FGD4: variants seen among roughly 807,000 people sequenced by gnomAD.
FGD4 encodes FYVE, RhoGEF and PH domain-containing protein 4.
FGD4 carries 42 observed loss-of-function variants against 102.0 expected under a neutral mutation model. That is an observed-to-expected ratio of 0.41 (90% confidence interval 0.32 to 0.53). The LOEUF (loss-of-function observed/expected upper bound fraction) is 0.53, where lower values mean the gene tolerates loss of function less well. FGD4 is among the 20% of genes least tolerant of loss of function. The probability of loss-of-function intolerance (pLI) is 0.21; values close to 1 mark genes in which losing one functional copy is unlikely to be tolerated. For missense variants in FGD4, 902 were observed against 1,078.2 expected, an observed-to-expected ratio of 0.84 and a Z score of 2.29; for synonymous variants, 380 against 375.7, an observed-to-expected ratio of 1.01 and a Z score of -0.13.
At chr12:32,480,131 C>T (rs920806753) in intron 1 of FGD4, among the ~76,000 whole-genome samples, 4 of 150,768 alleles carry the variant, frequency 2.7e-5, no homozygotes, top group African/African-American at 2.4e-5. Context: ...TTATTTGCCC[C>T]AAATGGATAT....
intron 1 of FGD4, among the ~76,000 whole-genome samples, chr12:32,480,269 C>T (rs1217477360): frequency 6.6e-6 from 1 of 151,610 alleles, no homozygotes; most frequent in African/African-American, 2.4e-5. Flanking sequence ...TCACACCATT[C>T]TCCTGTCTCA....
intron 1 of FGD4, among the ~76,000 whole-genome samples, chr12:32,509,319 T>G (rs1243748199): frequency 1.3e-5 from 2 of 150,548 alleles, no homozygotes; most frequent in African/African-American, 4.9e-5. Context: ...ACTACCACAG[T>G]AGCAGCGAGG....
intron 1 of FGD4, among the ~76,000 whole-genome samples, chr12:32,465,540 C>T (rs1340038804): frequency 6.6e-6 from 1 of 152,036 alleles, no homozygotes; most frequent in East Asian, 1.9e-4. Flanking sequence ...TGGTGGCGCA[C>T]ACCTGTAGTC....
intron 1 of FGD4, among the ~76,000 whole-genome samples, chr12:32,526,501 C>T (rs1032580440): frequency 1.3e-5 from 2 of 152,256 alleles, no homozygotes; most frequent in South Asian, 4.1e-4. Context: ...TTGTATCTAG[C>T]TCAGGGATTG....
intron 1 of FGD4, among the ~76,000 whole-genome samples, chr12:32,481,830 AAAAAG>A (rs1943775319): frequency 6.6e-6 from 1 of 152,194 alleles, no homozygotes; most frequent in South Asian, 2.1e-4. Context: ...AAAAAAAAAA[AAAAAG>A]AACATCTAAG....
chr12:32,621,206 T>A (rs1949823627), intron 11 of FGD4, among the ~76,000 whole-genome samples: 1 of 151,928 alleles, frequency 6.6e-6, no homozygotes, highest in South Asian at 2.1e-4. Context: ...AAAACCCCCG[T>A]CTTTGCTAAA....
At chr12:32,411,045 C>T (rs937189532) in intron 1 of FGD4, among the ~76,000 whole-genome samples, 1 of 151,282 alleles carries the variant, frequency 6.6e-6, no homozygotes, top group African/African-American at 2.4e-5. Flanking sequence ...ATTCTCTTGC[C>T]TCAGCCTCCT....
intron 16 of FGD4, 84 bp from the exon 17 acceptor site, chr12:32,640,192 G>A: frequency 6.2e-7 from 1 of 1,603,962 alleles, no homozygotes; most frequent in Non-Finnish European, 8.5e-7. Flanking sequence ...GACAGTGGTA[G>A]GAAGAGAGGT....
intron 1 of FGD4, among the ~76,000 whole-genome samples, chr12:32,478,667 C>G (rs572449217): frequency 2.0e-4 from 31 of 152,192 alleles, no homozygotes; most frequent in Non-Finnish European, 3.2e-4. Context: ...GTTTTACTTT[C>G]CCACACCTGA....
chr12:32,549,296 C>G (rs1318589646), intron 1 of FGD4, among the ~76,000 whole-genome samples: 2 of 152,212 alleles, frequency 1.3e-5, no homozygotes, highest in African/African-American at 4.8e-5. Flanking sequence ...ACAGAACACA[C>G]TTGGGGAAAA....
At chr12:32,408,763 C>T (rs970056353) in intron 1 of FGD4, among the ~76,000 whole-genome samples, 1 of 152,212 alleles carries the variant, frequency 6.6e-6, no homozygotes, top group African/African-American at 2.4e-5. Flanking sequence ...AAATAGCATT[C>T]AGCACCTATT....
At chr12:32,405,478 C>T (rs1328100228) in intron 1 of FGD4, among the ~76,000 whole-genome samples, 1 of 151,566 alleles carries the variant, frequency 6.6e-6, no homozygotes, top group Non-Finnish European at 1.5e-5. Context: ...AGGCTGGTCT[C>T]GAACTCCCGA....
intron 1 of FGD4, among the ~76,000 whole-genome samples, chr12:32,473,393 G>A (rs1386913581): frequency 6.6e-6 from 1 of 151,746 alleles, no homozygotes; most frequent in Admixed American, 6.6e-5. Context: ...TGAGTCCAGC[G>A]AGCCCAGGAG....
intron 1 of FGD4, among the ~76,000 whole-genome samples, chr12:32,526,800 C>G (rs570609125): frequency 6.6e-6 from 1 of 152,136 alleles, no homozygotes; most frequent in Non-Finnish European, 1.5e-5. Context: ...CTGGGAGGAA[C>G]GAACAACTCC....
At position 32,645,339 on chromosome 12, in the gene FGD4, T is replaced by C. The variant is rs1951354296; in HGVS notation, c.*4806T>C. 6.6e-6 allele frequency: 1 copy of C among 152,076 alleles called. No individual in the cohort carries two copies. The highest frequency in any genetic ancestry group is 2.4e-5 in the African/African-American group (1 of 41,424). 9.4% of individuals were successfully genotyped at this position (152,076 alleles called of 1,614,324 possible). The stretch of plus-strand genomic sequence containing the variant: ...TAGCATTTCATTTTGTGAGTGACAA[T>C]TGACATTTTAAAATAAGCATAGGCC... On this transcript the variant is annotated 3_prime_UTR_variant, in exon 17 of 17. Transcript: ENST00000534526.
At chr12:32,633,078 C>T (rs150201274) in intron 14 of FGD4, among the ~76,000 whole-genome samples, 2 of 151,998 alleles carry the variant, frequency 1.3e-5, no homozygotes, top group Admixed American at 6.6e-5. Flanking sequence ...GTAAAATCAG[C>T]GGGACTTTGT....
intron 1 of FGD4, among the ~76,000 whole-genome samples, chr12:32,457,393 G>A (rs552309147): frequency 2.9e-4 from 44 of 152,250 alleles, no homozygotes; most frequent in South Asian, 2.3e-3. Context: ...ATCTTAAGAC[G>A]AGGAACTGTA....
At chr12:32,624,105 G>A (rs1007788180) in intron 11 of FGD4, among the ~76,000 whole-genome samples, 1 of 152,080 alleles carries the variant, frequency 6.6e-6, no homozygotes, top group African/African-American at 2.4e-5. Flanking sequence ...ATTAGCTGTT[G>A]TATATTCAGT....
At chr12:32,573,228 TG>T (rs1945829316) in intron 2 of FGD4, among the ~76,000 whole-genome samples, 1 of 152,204 alleles carries the variant, frequency 6.6e-6, no homozygotes, top group Non-Finnish European at 1.5e-5. Context: ...CCCGAGTAGC[TG>T]GGACTACAAG....
Sources: gnomAD v4.1 joint callset for allele counts (sites outside exome capture counted in the v4.1 genomes callset) on GRCh38, gnomAD v4.1.1 for gene constraint, MANE v1.5 for transcripts, NCBI Gene and HGNC (gene_info 2026-07-23, HGNC 2026-07-21) for gene names.